The following CDC42SE2 variants were observed in gnomAD, a reference collection of about 807,000 sequenced individuals.
CDC42SE2 encodes CDC42 small effector protein 2.
A neutral mutation model predicts 11.5 loss-of-function variants in CDC42SE2; 3 were observed. The ratio of observed to expected loss-of-function variants is 0.26; its 90% CI spans 0.12 to 0.67. The LOEUF is 0.67. Ranked by LOEUF, CDC42SE2 falls within the 30% of genes least tolerant of loss-of-function variation. CDC42SE2 has a pLI of 0.80. For missense variants in CDC42SE2, 82 were observed against 106.8 expected (o/e 0.77, Z 1.02); for synonymous variants, 33 against 34.8 (o/e 0.95, Z 0.18).
intron 1 of CDC42SE2, among the ~76,000 whole-genome samples, chr5:131,312,646 G>A (rs1038767566): frequency 1.3e-5 from 2 of 152,184 alleles, no homozygotes. Context: ...CTCGTGGTGC[G>A]CTGTTTTTTA....
At chr5:131,307,258 T>A (rs889403972) in intron 1 of CDC42SE2, among the ~76,000 whole-genome samples, 1 of 126,310 alleles carries the variant, frequency 7.9e-6, no homozygotes, top group Non-Finnish European at 1.6e-5. Flanking sequence ...GATGTTCCCC[T>A]TCCTGTGTCC....
intron 3 of CDC42SE2, among the ~76,000 whole-genome samples, chr5:131,362,344 CT>C: frequency 6.6e-6 from 1 of 152,180 alleles, no homozygotes; most frequent in Middle Eastern, 3.4e-3. Context: ...CTTAATGGGG[CT>C]TTGTGGTCAC....
At chr5:131,325,702 A>G (rs980555168) in intron 2 of CDC42SE2, among the ~76,000 whole-genome samples, 3 of 152,218 alleles carry the variant, frequency 2.0e-5, no homozygotes, top group Admixed American at 6.5e-5. Flanking sequence ...GTCCCATCTC[A>G]TGTTATATGA....
At chr5:131,258,084 T>C (rs1007983272) in intron 2 of CDC42SE2, among the ~76,000 whole-genome samples, 2 of 152,220 alleles carry the variant, frequency 1.3e-5, no homozygotes, top group Admixed American at 6.5e-5. Context: ...CACTCTTGTA[T>C]GCCAGCCTGC....
chr5:131,250,374 A>G (rs942885816), intron 1 of CDC42SE2, among the ~76,000 whole-genome samples: 11 of 152,244 alleles, frequency 7.2e-5, no homozygotes, highest in Admixed American at 7.2e-4. Flanking sequence ...TAGGTTCTAC[A>G]CTATTACATA....
chr5:131,233,327 A>G, the CDC42SE2 span, among the ~76,000 whole-genome samples: 1 of 152,146 alleles, frequency 6.6e-6, no homozygotes, highest in Non-Finnish European at 1.5e-5. Flanking sequence ...TTAATCAGTC[A>G]CCTACTATGG....
At chr5:131,230,178 G>A in the CDC42SE2 span, among the ~76,000 whole-genome samples, 28 of 151,902 alleles carry the variant, frequency 1.8e-4, no homozygotes, top group African/African-American at 6.5e-4. Flanking sequence ...TTTTAATTTC[G>A]CATAATTTCC....
intron 2 of CDC42SE2, among the ~76,000 whole-genome samples, chr5:131,258,812 C>G (rs1399722046): frequency 1.3e-5 from 2 of 152,192 alleles, no homozygotes; most frequent in Non-Finnish European, 2.9e-5. Flanking sequence ...ATTCATAAAG[C>G]TACTGTGTCT....
In CDC42SE2 at chr5:131,379,388, G is replaced by A. The variant is rs73251113; in HGVS notation, c.55-6155G>A. The stretch of plus-strand genomic sequence containing the variant: ...TGCCCAGAGAATAGTCTTTGGGAAA[G>A]TTTTAACTTTTAAGTGATGATGTAA... On this transcript the variant is annotated intron_variant, in intron 3 of 4. Transcript: ENST00000505065. Among the ~76,000 whole-genome samples the A allele has an allele frequency of 8.0e-3, 1,213 of 152,278 alleles. 21 individuals carry two copies. Among genetic ancestry groups the A allele is most frequent in the African/African-American group, 0.024 (1,005 of 41,556 alleles).
chr5:131,310,156 T>C (rs1184896050), intron 1 of CDC42SE2, among the ~76,000 whole-genome samples: 1 of 152,062 alleles, frequency 6.6e-6, no homozygotes, highest in African/African-American at 2.4e-5. Flanking sequence ...GTCTTTGTTC[T>C]CGTTGGTTTC....
At chr5:131,293,531 C>T (rs1420185987) in intron 1 of CDC42SE2, among the ~76,000 whole-genome samples, 1 of 148,414 alleles carries the variant, frequency 6.7e-6, no homozygotes, top group African/African-American at 2.5e-5. Context: ...GAGATCAGGC[C>T]ACTGCACTCT....
At position 131,372,250 on chromosome 5, in the gene CDC42SE2, T is replaced by A. The variant is rs537254853; in HGVS notation, c.54+12703T>A. ...CAAAAAAAGATATTACTCAATGCCA[T>A]TTTTTTGGCCTACCTTATGACAGAT... On this transcript the variant is annotated intron_variant, in intron 3 of 4. Transcript: ENST00000505065. Among the ~76,000 whole-genome samples the A allele has an allele frequency of 1.6e-4, 24 of 152,286 alleles. No homozygotes were observed. The South Asian group carries it at 5.0e-3, about 32-fold the overall frequency.
At chr5:131,373,114 C>T (rs750186479) in intron 3 of CDC42SE2, among the ~76,000 whole-genome samples, 26 of 152,060 alleles carry the variant, frequency 1.7e-4, no homozygotes, top group Non-Finnish European at 3.2e-4. Context: ...ACGTTAGTTA[C>T]CACAAAGAGA....
At chr5:131,217,845 T>C in the CDC42SE2 span, among the ~76,000 whole-genome samples, 2 of 152,128 alleles carry the variant, frequency 1.3e-5, no homozygotes, top group Non-Finnish European at 2.9e-5. Flanking sequence ...CCAGAATATG[T>C]AAATACTTCC....
chr5:131,365,306 A>AG (rs1749822304), intron 3 of CDC42SE2, among the ~76,000 whole-genome samples: 1 of 152,068 alleles, frequency 6.6e-6, no homozygotes, highest in Non-Finnish European at 1.5e-5. Context: ...AAAAAAAAAA[A>AG]GAAAACATCA....
At chr5:131,373,003 C>T (rs987345323) in intron 3 of CDC42SE2, among the ~76,000 whole-genome samples, 1 of 152,108 alleles carries the variant, frequency 6.6e-6, no homozygotes, top group Admixed American at 6.5e-5. Context: ...CTTTTATCCC[C>T]ATTGGTTATA....
intron 1 of CDC42SE2, among the ~76,000 whole-genome samples, chr5:131,292,906 C>CAAAAAAAAAAA (rs869300653): frequency 1.4e-4 from 8 of 58,896 alleles, no homozygotes; most frequent in African/African-American, 6.1e-4. Context: ...GACCCTGTCT[C>CAAAAAAAAAAA]AAAAAAAAAA....
At chr5:131,333,671 GA>G (rs1758479159) in intron 2 of CDC42SE2, among the ~76,000 whole-genome samples, 1 of 152,116 alleles carries the variant, frequency 6.6e-6, no homozygotes, top group Admixed American at 6.5e-5. Flanking sequence ...TCTCCTTGAA[GA>G]GGTCCTTCAC....
At chr5:131,379,817 A>G (rs1302826743) in intron 3 of CDC42SE2, among the ~76,000 whole-genome samples, 1 of 152,232 alleles carries the variant, frequency 6.6e-6, no homozygotes, top group Non-Finnish European at 1.5e-5. Context: ...TGACTCTGCT[A>G]ACGACAACTG....
Sources: gnomAD v4.1 joint callset for allele counts (sites outside exome capture counted in the v4.1 genomes callset) on GRCh38, gnomAD v4.1.1 for gene constraint, MANE v1.5 for transcripts, NCBI Gene and HGNC (gene_info 2026-07-23, HGNC 2026-07-21) for gene names.